Variants in THADA observed in about 807,000 individuals in gnomAD.
THADA encodes THADA armadillo repeat containing, also known as tRNA (32-2'-O)-methyltransferase regulator THADA.
THADA carries 213 observed loss-of-function variants against 219.8 expected under a neutral mutation model. The observed-to-expected ratio is 0.97, with a 90% CI of 0.87 to 1.09. The LOEUF is 1.09. Among genes scored for constraint, THADA ranks in the 50% least tolerant of loss-of-function variants. The pLI is 0.00. For missense variants in THADA, 2,956 were observed against 2,311.3 expected (o/e 1.28, Z -5.72); for synonymous variants, 1,018 against 828.9 (o/e 1.23, Z -3.92).
intron 31 of THADA, among the ~76,000 whole-genome samples, chr2:43,295,397 G>T (rs553699511): frequency 6.6e-6 from 1 of 152,306 alleles, no homozygotes; most frequent in South Asian, 2.1e-4. Context: ...GCCCTCTTCG[G>T]TTTGAGTCAT....
chr2:43,366,863 C>T (rs931054361), intron 29 of THADA, among the ~76,000 whole-genome samples: 5 of 152,112 alleles, frequency 3.3e-5, no homozygotes, highest in Non-Finnish European at 7.4e-5. Context: ...TCATGTACAG[C>T]AGATTGTACA....
chr2:43,574,372 C>G lies in THADA; in HGVS notation c.1693G>C (p.Val565Leu), dbSNP rs369020610. ...TCAATAGAAGTCTGAAGAATCTTTA[C>G]CATGTACTGTAAGCTTTCAGGGCTG... Reference protein sequence around the residue: ...SYSPESLQYMVKILQTSIDAK... With the variant: ...SYSPESLQYMLKILQTSIDAK... The change falls in exon 11 of 38, where the codon GTA (valine) becomes CTA (leucine). Residue 565 changes from valine to leucine, a missense_variant. Val to Leu is a conservative substitution (Grantham distance 32). Transcript: ENST00000405975. 1 of 1,602,346 alleles carries G rather than the reference C, an allele frequency of 6.2e-7. No individual in the cohort carries two copies. The highest frequency in any genetic ancestry group is 1.3e-5 in the African/African-American group (1 of 74,502).
At chr2:43,590,717 T>A in intron 4 of THADA, 107 bp downstream of exon 4, 1 of 1,194,136 alleles carries the variant, frequency 8.4e-7, no homozygotes, top group Admixed American at 2.4e-5. Context: ...AATGAACTTT[T>A]TGTGATCTGT....
At chr2:43,438,926 A>C (rs189772822) in intron 26 of THADA, among the ~76,000 whole-genome samples, 17 of 152,296 alleles carry the variant, frequency 1.1e-4, no homozygotes, top group South Asian at 6.2e-4. Context: ...GTCTCTCTCT[A>C]TATATATACC....
intron 36 of THADA, among the ~76,000 whole-genome samples, chr2:43,240,344 T>A (rs1004997846): frequency 3.3e-5 from 5 of 152,236 alleles, no homozygotes; most frequent in Non-Finnish European, 4.4e-5. Context: ...TCAGGTTTCA[T>A]GAGGCCGTTT....
At chr2:43,585,810 A>G (rs1311576199) in intron 7 of THADA, among the ~76,000 whole-genome samples, 1 of 152,112 alleles carries the variant, frequency 6.6e-6, no homozygotes, top group Admixed American at 6.5e-5. Flanking sequence ...GAACACACTC[A>G]GGTGAGGAAA....
chr2:43,258,362 A>G (rs1445123124), intron 36 of THADA, among the ~76,000 whole-genome samples: 2 of 151,998 alleles, frequency 1.3e-5, no homozygotes, highest in Non-Finnish European at 2.9e-5. Flanking sequence ...GTCTCTACTA[A>G]AAATACAAAA....
In THADA at chr2:43,498,836, C is replaced by T. The variant is rs751355658; in HGVS notation, c.3741G>A (p.Trp1247Ter). Residue 1247 changes from tryptophan to a stop codon, truncating the protein, a stop_gained, in exon 25 of 38, where the codon TGG becomes TGA. Transcript: ENST00000405975. LOFTEE classifies it high-confidence loss of function. ...AAILGFTSPV[W>*]AVRNSSTLLF... Reference sequence around the variant, plus strand: ...AATAAATAGTGACAGCACTTACTGCCCAGACCGGTGATGTAAAACCCAGAA... The same window carrying T: ...AATAAATAGTGACAGCACTTACTGCTCAGACCGGTGATGTAAAACCCAGAA... 8.1e-6 allele frequency: 13 copies of T among 1,612,752 alleles called. No individual in the cohort carries two copies. The highest frequency in any genetic ancestry group is 1.1e-5 in the Non-Finnish European group (13 of 1,179,476).
intron 22 of THADA, among the ~76,000 whole-genome samples, chr2:43,525,074 G>C (rs532744750): frequency 3.3e-5 from 5 of 151,724 alleles, no homozygotes; most frequent in Non-Finnish European, 7.4e-5. Flanking sequence ...TTTCCACCAG[G>C]GTATGCCATC....
At position 43,428,130 on chromosome 2, in the gene THADA, C is replaced by A. The variant is rs1165331139; in HGVS notation, c.4028G>T (p.Ser1343Ile). ...AATGAAGGGAACAAAAGGTCCCATG[C>A]TGAGAGCAGAAGAAGTACCATCCAT... ...SPMDGTSSALSMGPFVPFIMR... is the reference protein window; with the variant it reads ...SPMDGTSSALIMGPFVPFIMR... Residue 1343 changes from serine to isoleucine, a missense_variant, in exon 28 of 38, where the codon AGC becomes ATC. Physicochemically the swap from Ser to Ile is moderately radical, Grantham distance 142. Transcript: ENST00000405975. 1.5e-5 allele frequency: 24 copies of A among 1,610,718 alleles called. No individual in the cohort carries two copies. The highest frequency in any genetic ancestry group is 2.0e-5 in the Non-Finnish European group (24 of 1,178,054).
chr2:43,368,425 C>G (rs1670415862), intron 29 of THADA, among the ~76,000 whole-genome samples: 1 of 152,134 alleles, frequency 6.6e-6, no homozygotes, highest in Non-Finnish European at 1.5e-5. Context: ...GAAAGAGGGT[C>G]TTGCTCTGTC....
chr2:43,286,658 G>C (rs893922194), intron 35 of THADA, among the ~76,000 whole-genome samples: 4 of 152,078 alleles, frequency 2.6e-5, no homozygotes, highest in Admixed American at 6.5e-5. Context: ...CCAGGAGGTG[G>C]AGGTTGCACT....
intron 16 of THADA, among the ~76,000 whole-genome samples, chr2:43,558,961 T>A (rs1052570446): frequency 6.6e-6 from 1 of 152,154 alleles, no homozygotes; most frequent in African/African-American, 2.4e-5. Flanking sequence ...CACGGGTTTA[T>A]CAAATTTAGA....
intron 29 of THADA, among the ~76,000 whole-genome samples, chr2:43,370,363 A>G (rs1670654098): frequency 6.6e-6 from 1 of 152,220 alleles, no homozygotes; most frequent in Non-Finnish European, 1.5e-5. Flanking sequence ...GAGATCTCAG[A>G]GTTAATGATT....
chr2:43,238,118 C>CAAAAAAAAAAAAAAA (rs59802310), intron 36 of THADA, among the ~76,000 whole-genome samples: 8 of 28,282 alleles, frequency 2.8e-4, no homozygotes, highest in African/African-American at 5.0e-4. Flanking sequence ...GATTCCATCT[C>CAAAAAAAAAAAAAAA]AAAAAAAAAA....
chr2:43,560,515 A>G (rs1697933817), intron 15 of THADA, 130 bp from the exon 16 acceptor site: 2 of 523,440 alleles, frequency 3.8e-6, no homozygotes, highest in Non-Finnish European at 6.2e-6. Flanking sequence ...CATGATAGCT[A>G]AAACAGTAAC....
At chr2:43,579,771 G>T (rs1199472877) in intron 8 of THADA, among the ~76,000 whole-genome samples, 1 of 152,110 alleles carries the variant, frequency 6.6e-6, no homozygotes, top group African/African-American at 2.4e-5. Context: ...GCAGTCATAT[G>T]GCAACCACGA....
chr2:43,247,722 C>T (rs369990335), intron 36 of THADA, among the ~76,000 whole-genome samples: 2 of 111,362 alleles, frequency 1.8e-5, no homozygotes, highest in African/African-American at 7.6e-5. Context: ...AGCAAGACTC[C>T]GTCTCAAAAA....
intron 22 of THADA, 122 bp downstream of exon 22, chr2:43,527,757 G>A: frequency 1.3e-5 from 8 of 630,734 alleles, no homozygotes; most frequent in Non-Finnish European, 2.1e-5. Flanking sequence ...TCTTCCAAGA[G>A]TTTTGTAGTC....
Sources: allele counts gnomAD v4.1 joint callset (sites outside exome capture counted in the v4.1 genomes callset), GRCh38; gene constraint gnomAD v4.1.1; transcripts MANE v1.5; gene names NCBI Gene and HGNC (gene_info 2026-07-23, HGNC 2026-07-21).